RALYL: variants seen among roughly 807,000 people sequenced by gnomAD.
RALYL encodes RALY RNA binding protein like.
Under a neutral mutation model 35.1 loss-of-function variants are expected in RALYL, and 29 were observed. The ratio of observed to expected loss-of-function variants is 0.83; its 90% CI spans 0.61 to 1.13. RALYL has a LOEUF of 1.13. Among genes scored for constraint, RALYL ranks in the 50% most tolerant of loss-of-function variants. RALYL has a pLI of 0.00. For missense variants in RALYL, 359 were observed against 360.4 expected (o/e 1.00, Z 0.03); for synonymous variants, 120 against 127.6 (o/e 0.94, Z 0.40).
chr8:84,713,193 C>T (rs1178025583), intron 2 of RALYL, among the ~76,000 whole-genome samples: 1 of 151,920 alleles, frequency 6.6e-6, no homozygotes, highest in African/African-American at 2.4e-5. Flanking sequence ...TTTTCCAACA[C>T]CATTTATTGA....
At chr8:84,693,840 A>G (rs1486737395) in intron 2 of RALYL, among the ~76,000 whole-genome samples, 1 of 151,980 alleles carries the variant, frequency 6.6e-6, no homozygotes, top group Non-Finnish European at 1.5e-5. Flanking sequence ...GATTCACCGT[A>G]TTAACATAAT....
At chr8:84,466,879 ATG>A (rs1462552585) in intron 1 of RALYL, among the ~76,000 whole-genome samples, 11 of 151,254 alleles carry the variant, frequency 7.3e-5, no homozygotes, top group African/African-American at 2.7e-4. Flanking sequence ...GGGAGAGTGT[ATG>A]TGTCGAGGAA....
intron 5 of RALYL, among the ~76,000 whole-genome samples, chr8:84,861,329 C>T (rs1453860288): frequency 6.6e-6 from 1 of 152,050 alleles, no homozygotes; most frequent in Non-Finnish European, 1.5e-5. Context: ...TTAGGTTACT[C>T]AAATGTGCTG....
At chr8:84,305,876 GA>G (rs944000725) in intron 1 of RALYL, among the ~76,000 whole-genome samples, 1 of 152,118 alleles carries the variant, frequency 6.6e-6, no homozygotes, top group Non-Finnish European at 1.5e-5. Context: ...TGTTGAGGAA[GA>G]AAACAAAGAG....
chr8:84,768,593 C>T (rs760216785), intron 2 of RALYL, among the ~76,000 whole-genome samples: 3 of 152,170 alleles, frequency 2.0e-5, no homozygotes, highest in Non-Finnish European at 4.4e-5. Flanking sequence ...AAGTTCAAAA[C>T]GCTATAAATT....
intron 1 of RALYL, among the ~76,000 whole-genome samples, chr8:84,280,263 T>A (rs1836278158): frequency 6.6e-6 from 1 of 152,148 alleles, no homozygotes. Flanking sequence ...TTACATTAAA[T>A]TTCAGCAACT....
chr8:84,552,336 G>GTTTATATA (rs1564131734), intron 2 of RALYL, among the ~76,000 whole-genome samples: 29 of 84,118 alleles, frequency 3.4e-4, no homozygotes, highest in African/African-American at 1.5e-3. Context: ...TAGGATGTGT[G>GTTTATATA]TGTATATATA....
At chr8:84,647,648 A>C (rs985398638) in intron 2 of RALYL, among the ~76,000 whole-genome samples, 2 of 152,088 alleles carry the variant, frequency 1.3e-5, no homozygotes, top group Non-Finnish European at 2.9e-5. Flanking sequence ...TATTATCTCT[A>C]GTATTTACCT....
intron 7 of RALYL, among the ~76,000 whole-genome samples, chr8:84,879,084 G>A (rs1184816699): frequency 6.6e-6 from 1 of 151,978 alleles, no homozygotes; most frequent in Non-Finnish European, 1.5e-5. Context: ...GACTCTAAAA[G>A]CAAAAAACAA....
At chr8:84,256,654 T>C (rs1831266532) in intron 1 of RALYL, among the ~76,000 whole-genome samples, 1 of 152,144 alleles carries the variant, frequency 6.6e-6, no homozygotes, top group Non-Finnish European at 1.5e-5. Context: ...ATTGACTTTG[T>C]AACTTTCAAC....
chr8:84,698,910 A>G (rs924958589), intron 2 of RALYL, among the ~76,000 whole-genome samples: 16 of 152,078 alleles, frequency 1.1e-4, no homozygotes, highest in African/African-American at 3.9e-4. Flanking sequence ...CAATCTGGCC[A>G]CTGAGGAAGG....
At chr8:84,499,933 T>C (rs2056483343) in intron 1 of RALYL, among the ~76,000 whole-genome samples, 1 of 152,060 alleles carries the variant, frequency 6.6e-6, no homozygotes, top group Non-Finnish European at 1.5e-5. Flanking sequence ...TTTCTCTATT[T>C]TTTGTAGAGC....
rs1028609523 is a variant in RALYL at position 84,261,585 on chromosome 8, C to T, written c.-24+77161C>T. ...CCTCTTTCCTTACCCAGTCTCAGGCCGTTCTTTATAGCAGCATGAGAATGG... is the reference window on the plus strand; with the variant it reads ...CCTCTTTCCTTACCCAGTCTCAGGCTGTTCTTTATAGCAGCATGAGAATGG... On this transcript the variant is annotated intron_variant, in intron 1 of 8. Coordinates refer to ENST00000521268, the MANE Select transcript of RALYL (RefSeq NM_173848.7). Among the ~76,000 whole-genome samples the T allele has an allele frequency of 7.9e-5, 12 of 152,080 alleles. No individual in the cohort carries two copies. The South Asian group carries it at 1.0e-3, about 13-fold the overall frequency.
At chr8:84,717,302 G>T (rs1843100228) in intron 2 of RALYL, among the ~76,000 whole-genome samples, 1 of 152,144 alleles carries the variant, frequency 6.6e-6, no homozygotes, top group Non-Finnish European at 1.5e-5. Flanking sequence ...AGAAACAGTT[G>T]TTTATCAGGT....
chr8:84,770,646 C>A (rs573503943), intron 2 of RALYL, among the ~76,000 whole-genome samples: 1 of 152,232 alleles, frequency 6.6e-6, no homozygotes, highest in East Asian at 1.9e-4. Flanking sequence ...TAGGGTTGTA[C>A]TAGTTTACAT....
chr8:84,420,508 C>T (rs2045390829), intron 1 of RALYL, among the ~76,000 whole-genome samples: 1 of 149,512 alleles, frequency 6.7e-6, no homozygotes, highest in Non-Finnish European at 1.5e-5. Flanking sequence ...CCTGTTCACT[C>T]TGATGGTAGT....
At chr8:84,807,180 C>T (rs376831839) in intron 4 of RALYL, among the ~76,000 whole-genome samples, 1 of 152,140 alleles carries the variant, frequency 6.6e-6, no homozygotes, top group East Asian at 1.9e-4. Context: ...TCCCACCCAA[C>T]CAAGTCCCCA....
intron 2 of RALYL, among the ~76,000 whole-genome samples, chr8:84,753,102 C>G (rs1810475364): frequency 6.6e-6 from 1 of 152,148 alleles, no homozygotes; most frequent in Non-Finnish European, 1.5e-5. Flanking sequence ...CCTTGGAAAT[C>G]CACCCCTTGC....
chr8:84,328,509 A>G (rs2130634907), intron 1 of RALYL, among the ~76,000 whole-genome samples: 1 of 152,358 alleles, frequency 6.6e-6, no homozygotes, highest in East Asian at 1.9e-4. Context: ...GTAGATACAG[A>G]AAAAGGCTTG....
Sources: allele counts gnomAD v4.1 joint callset (sites outside exome capture counted in the v4.1 genomes callset), GRCh38; gene constraint gnomAD v4.1.1; transcripts MANE v1.5; gene names NCBI Gene and HGNC (gene_info 2026-07-23, HGNC 2026-07-21).